The following CREB5 variants were observed in gnomAD, a reference collection of about 807,000 sequenced individuals.
The protein encoded by CREB5 is cAMP responsive element binding protein 5.
Under a neutral mutation model 57.1 loss-of-function variants are expected in CREB5, and 19 were observed. The observed-to-expected ratio is 0.33, with a 90% CI of 0.23 to 0.49. CREB5 has a LOEUF of 0.49. Among genes scored for constraint, CREB5 ranks in the 20% least tolerant of loss-of-function variants. The pLI, the probability that CREB5 is intolerant of heterozygous loss-of-function variation, is 0.99. For synonymous variants in CREB5, 238 were observed against 238.3 expected (o/e 1.00, Z 0.01); for missense variants, 579 against 671.6 (o/e 0.86, Z 1.52).
At chr7:28,521,029 G>A (rs1793183440) in intron 4 of CREB5, among the ~76,000 whole-genome samples, 1 of 152,126 alleles carries the variant, frequency 6.6e-6, no homozygotes, top group Admixed American at 6.5e-5. Context: ...CTGTTTAAGT[G>A]GTATCACTTG....
chr7:28,775,543 C>CATATATATATATATATAT (rs56224961), intron 7 of CREB5, among the ~76,000 whole-genome samples: 1,216 of 120,454 alleles, frequency 0.01, 32 homozygotes, highest in Non-Finnish European at 0.012. Flanking sequence ...ATTCCTTAGC[C>CATATATATATATATATAT]ATATATATAT....
chr7:28,555,109 T>TTGTGTGTGTGTGTGTGTG (rs58647223), intron 4 of CREB5, among the ~76,000 whole-genome samples: 5,002 of 148,824 alleles, frequency 0.034, 152 homozygotes, highest in African/African-American at 0.069. Context: ...ATAAGCTGCA[T>TTGTGTGTGTGTGTGTGTG]TGTGTGTGTG....
intron 1 of CREB5, among the ~76,000 whole-genome samples, chr7:28,428,982 C>T (rs960456890): frequency 1.3e-5 from 2 of 152,128 alleles, no homozygotes; most frequent in African/African-American, 4.8e-5. Flanking sequence ...CTCCAAGGCA[C>T]TTAAATCAAT....
At chr7:28,369,518 G>A (rs1280481780) in intron 1 of CREB5, among the ~76,000 whole-genome samples, 2 of 152,212 alleles carry the variant, frequency 1.3e-5, no homozygotes, top group Non-Finnish European at 2.9e-5. Flanking sequence ...GTAAAATGGA[G>A]ATAACTTCTA....
At chr7:28,302,407 T>C (rs1785111593) in intron 1 of CREB5, among the ~76,000 whole-genome samples, 1 of 152,206 alleles carries the variant, frequency 6.6e-6, no homozygotes, top group Non-Finnish European at 1.5e-5. Flanking sequence ...AAATTGACAA[T>C]GGACTTTAAT....
At chr7:28,593,069 T>C (rs1796579876) in intron 5 of CREB5, among the ~76,000 whole-genome samples, 1 of 152,126 alleles carries the variant, frequency 6.6e-6, no homozygotes, top group Non-Finnish European at 1.5e-5. Flanking sequence ...CAGTTGCAGA[T>C]AATGAGGGCA....
intron 1 of CREB5, among the ~76,000 whole-genome samples, chr7:28,346,925 A>G (rs1282216877): frequency 6.6e-6 from 1 of 152,150 alleles, no homozygotes; most frequent in East Asian, 1.9e-4. Flanking sequence ...GGGAAGACAT[A>G]ATATTATATT....
intron 9 of CREB5, among the ~76,000 whole-genome samples, chr7:28,816,438 TTTGA>T (rs1356651281): frequency 1.3e-5 from 2 of 152,210 alleles, no homozygotes; most frequent in Non-Finnish European, 2.9e-5. Flanking sequence ...AATTTTCTTG[TTTGA>T]TTAAGTGATT....
intron 7 of CREB5, among the ~76,000 whole-genome samples, chr7:28,803,921 T>A (rs1306971781): frequency 1.3e-5 from 2 of 152,158 alleles, no homozygotes; most frequent in African/African-American, 4.8e-5. Context: ...TTTAGTAGAA[T>A]GTATGATTCT....
At chr7:28,492,911 T>C (rs150629381) in intron 2 of CREB5, among the ~76,000 whole-genome samples, 1 of 145,700 alleles carries the variant, frequency 6.9e-6, no homozygotes. Context: ...CACAGTGTTA[T>C]AGACCAAAAG....
At chr7:28,544,586 G>A (rs577664825) in intron 4 of CREB5, among the ~76,000 whole-genome samples, 1 of 152,092 alleles carries the variant, frequency 6.6e-6, no homozygotes. Flanking sequence ...TTTTTTTAAG[G>A]CAGTAACATA....
intron 4 of CREB5, among the ~76,000 whole-genome samples, chr7:28,555,380 T>C (rs922599900): frequency 2.0e-5 from 3 of 152,212 alleles, no homozygotes; most frequent in African/African-American, 7.2e-5. Context: ...GAAATTCAAA[T>C]ACTTTGTGGT....
At chr7:28,753,933 C>T (rs1235824354) in intron 7 of CREB5, among the ~76,000 whole-genome samples, 4 of 150,992 alleles carry the variant, frequency 2.6e-5, no homozygotes, top group East Asian at 1.9e-4. Flanking sequence ...AAAAAGAAGA[C>T]GATCTTTTTT....
chr7:28,720,966 C>G (rs1324176742), intron 6 of CREB5, among the ~76,000 whole-genome samples: 1 of 152,140 alleles, frequency 6.6e-6, no homozygotes, highest in African/African-American at 2.4e-5. Flanking sequence ...CCAGAGAAAC[C>G]AGTTTCTACC....
At chr7:28,804,148 G>T in intron 7 of CREB5, 51 bp from the exon 8 acceptor site, 3 of 1,552,640 alleles carry the variant, frequency 1.9e-6, no homozygotes, top group Non-Finnish European at 1.8e-6. Context: ...TCTCTATCAT[G>T]TACATGACTG....
intron 5 of CREB5, among the ~76,000 whole-genome samples, chr7:28,622,136 C>T (rs1797819807): frequency 6.6e-6 from 1 of 152,114 alleles, no homozygotes; most frequent in Admixed American, 6.5e-5. Context: ...AGTGTGCACA[C>T]AATGTGACTA....
chr7:28,341,961 G>T (rs1227366433), intron 1 of CREB5, among the ~76,000 whole-genome samples: 1 of 152,184 alleles, frequency 6.6e-6, no homozygotes, highest in Non-Finnish European at 1.5e-5. Context: ...TGAGGAGAGG[G>T]AAGGGAAGGA....
At chr7:28,316,213 T>C (rs1487972426) in intron 1 of CREB5, among the ~76,000 whole-genome samples, 1 of 152,072 alleles carries the variant, frequency 6.6e-6, no homozygotes, top group Admixed American at 6.5e-5. Context: ...ATGATATGGT[T>C]TGGGCTGGGG....
intron 5 of CREB5, among the ~76,000 whole-genome samples, chr7:28,671,754 C>T (rs1174595043): frequency 6.6e-6 from 1 of 152,180 alleles, no homozygotes; most frequent in East Asian, 1.9e-4. Flanking sequence ...CTGCCACGTG[C>T]CAGCTGTGTG....
Sources: gnomAD v4.1 joint callset for allele counts (sites outside exome capture counted in the v4.1 genomes callset) on GRCh38, gnomAD v4.1.1 for gene constraint, MANE v1.5 for transcripts, NCBI Gene and HGNC (gene_info 2026-07-23, HGNC 2026-07-21) for gene names.